TRMT1L: variants seen among roughly 807,000 people sequenced by gnomAD.
TRMT1L encodes the protein tRNA (guanine(27)-N(2))-dimethyltransferase.
A neutral mutation model predicts 81.6 loss-of-function variants in TRMT1L; 28 were observed. The observed-to-expected ratio is 0.34, with a 90% CI of 0.25 to 0.47. The LOEUF (loss-of-function observed/expected upper bound fraction) is 0.47, where lower values mean the gene tolerates loss of function less well. TRMT1L is among the 20% of genes least tolerant of loss of function. The probability of loss-of-function intolerance (pLI) is 1.00; values close to 1 mark genes in which losing one functional copy is unlikely to be tolerated. For missense variants in TRMT1L, 739 were observed against 877.1 expected, an observed-to-expected ratio of 0.84 and a Z score of 1.99; for synonymous variants, 301 against 303.2, an observed-to-expected ratio of 0.99 and a Z score of 0.07.
chr1:185,149,332 T>C (rs1358402987), intron 3 of TRMT1L, among the ~76,000 whole-genome samples: 1 of 149,618 alleles, frequency 6.7e-6, no homozygotes, highest in East Asian at 2.0e-4. Flanking sequence ...AGAAACAGAG[T>C]CTCACTCTGT....
chr1:185,134,583 T>C (rs2102239902), intron 10 of TRMT1L, among the ~76,000 whole-genome samples: 1 of 152,366 alleles, frequency 6.6e-6, no homozygotes, highest in African/African-American at 2.4e-5. Context: ...TTCTGTATGA[T>C]TCCAAATAAA....
chr1:185,147,175 T>C lies in TRMT1L; in HGVS notation c.525+7A>G. The C allele has an allele frequency of 6.3e-7, 1 of 1,594,186 alleles. No individual in the cohort carries two copies. The highest frequency in any genetic ancestry group is 1.1e-5 in the South Asian group (1 of 88,542). On this transcript the variant is annotated splice_region_variant and intron_variant, in intron 4 of 14. Coordinates refer to ENST00000367506, the MANE Select transcript of TRMT1L (RefSeq NM_030934.5). ...TTTAAAAATAAAAAAATCTAATATCTGATCACCTGTTCTCCAATAATGTTT... is the reference window on the plus strand; with the variant it reads ...TTTAAAAATAAAAAAATCTAATATCCGATCACCTGTTCTCCAATAATGTTT...
intron 5 of TRMT1L, among the ~76,000 whole-genome samples, chr1:185,144,452 T>A (rs1653131736): frequency 6.6e-6 from 1 of 152,032 alleles, no homozygotes; most frequent in African/African-American, 2.4e-5. Context: ...TAACTCCATA[T>A]GGCTGCATTC....
At chr1:185,134,618 T>C (rs1652852671) in intron 10 of TRMT1L, among the ~76,000 whole-genome samples, 2 of 152,286 alleles carry the variant, frequency 1.3e-5, no homozygotes, top group South Asian at 4.1e-4. Context: ...CATTGCTTTA[T>C]AGTTATCACT....
Position 185,156,686 on chromosome 1 carries a change from C to T in TRMT1L, c.27G>A (p.Leu9=), listed in dbSNP as rs1460074621. 8.1e-6 allele frequency: 13 copies of T among 1,612,244 alleles called. No individual in the cohort carries two copies. The highest frequency in any genetic ancestry group is 1.1e-5 in the Non-Finnish European group (13 of 1,179,718). MENMAEEE[L]LPLEKEEVEV... is the part of the protein sequence containing the mutation. ...CCACCTCCTCCTTCTCCAGGGGCAG[C>T]AGCTCCTCCTCCGCCATATTCTCCA... The change falls in exon 1 of 15, where the codon CTG becomes CTA. Residue 9 remains leucine, a synonymous_variant. Transcript: ENST00000367506.
chr1:185,120,538 G>A (rs1399094768), intron 13 of TRMT1L, 29 bp from the exon 14 acceptor site: 3 of 1,517,532 alleles, frequency 2.0e-6, no homozygotes, highest in East Asian at 2.4e-5. Context: ...AAGTTAGCAT[G>A]CTCTTAAAAA....
chr1:185,120,965 C>G (rs1425572552), intron 13 of TRMT1L: 1 of 152,880 alleles, frequency 6.5e-6, no homozygotes, highest in African/African-American at 2.4e-5. Flanking sequence ...ACTGAGTGAT[C>G]AGTATTGGAT....
intron 8 of TRMT1L, 107 bp downstream of exon 8, chr1:185,139,866 A>T: frequency 7.7e-7 from 1 of 1,303,292 alleles, no homozygotes; most frequent in Non-Finnish European, 1.0e-6. Flanking sequence ...AAATGGCATT[A>T]ATTTAAATAA....
chr1:185,125,221 G>A (rs1652593452), intron 11 of TRMT1L, 111 bp from the exon 12 acceptor site: 2 of 606,276 alleles, frequency 3.3e-6, no homozygotes, highest in East Asian at 6.5e-5. Flanking sequence ...ATATGACAGA[G>A]TAATACTTAA....
In TRMT1L at chr1:185,137,687, T is replaced by C. The variant is rs762258694; in HGVS notation, c.1432A>G (p.Thr478Ala). Residue 478 changes from threonine (T) to alanine (A), a missense_variant, in exon 10 of 15, where the codon ACA (threonine) becomes GCA (alanine). By Grantham distance (58) the Thr-to-Ala change is moderately conservative. Around this residue, in one of 4 missense-constraint regions of TRMT1L, gnomAD observed 331 missense variants for 462.2 expected, o/e 0.72. Transcript: ENST00000367506. The stretch of plus-strand genomic sequence containing the variant: ...ATCAGGTATTGAATCTTCTTGGCTG[T>C]TTCATCTGCTGAAGTAGGTCCCCTC... ...VLRGPTSADE[T>A]AKKIQYLIHC... is the part of the protein sequence containing the mutation. 22 of 1,614,042 alleles carry C rather than the reference T, an allele frequency of 1.4e-5. No individual in the cohort carries two copies. Among genetic ancestry groups the C allele is most frequent in the Non-Finnish European group, 1.8e-5 (21 of 1,180,030 alleles).
At chr1:185,140,931 T>C (rs1180580547) in intron 7 of TRMT1L, among the ~76,000 whole-genome samples, 1 of 143,754 alleles carries the variant, frequency 7.0e-6, no homozygotes, top group East Asian at 2.1e-4. Flanking sequence ...TGAGTCGAGA[T>C]GGTGCCAAGA....
intron 7 of TRMT1L, among the ~76,000 whole-genome samples, chr1:185,142,332 C>G (rs996186066): frequency 3.9e-5 from 6 of 152,110 alleles, no homozygotes; most frequent in Non-Finnish European, 8.8e-5. Context: ...TGCTTTTAAC[C>G]ACTACTTTTC....
chr1:185,145,813 T>A (rs972010031), intron 4 of TRMT1L, among the ~76,000 whole-genome samples: 7 of 151,992 alleles, frequency 4.6e-5, no homozygotes, highest in African/African-American at 1.7e-4. Context: ...CAGAAAATAA[T>A]TGTATTTTCT....
intron 2 of TRMT1L, 92 bp from the exon 3 acceptor site, chr1:185,150,584 C>T (rs1653316759): frequency 2.4e-6 from 2 of 821,802 alleles, no homozygotes; most frequent in Non-Finnish European, 4.0e-6. Flanking sequence ...GGCTCCCCCT[C>T]CTACTTCTTA....
At chr1:185,154,357 C>T (rs1341593712) in intron 1 of TRMT1L, among the ~76,000 whole-genome samples, 1 of 152,076 alleles carries the variant, frequency 6.6e-6, no homozygotes, top group Non-Finnish European at 1.5e-5. Context: ...GGTTATTCAC[C>T]TCATTTTTAA....
intron 10 of TRMT1L, 147 bp from the exon 11 acceptor site, chr1:185,128,894 ATATG>A (rs1652699912): frequency 1.5e-6 from 1 of 675,144 alleles, no homozygotes; most frequent in East Asian, 2.8e-5. Flanking sequence ...ATGTATGTAT[ATATG>A]TGTGTGTGCA....
rs1347968943 is a variant in TRMT1L at position 185,156,581 on chromosome 1, G to A, written c.132C>T (p.Asp44=). The part of the protein sequence containing the change: ...VPAPAPDSAL[D]SAPTPASAPA... Reference sequence around the variant, plus strand: ...GAGCCGAGGCCGGAGTCGGAGCCGAGTCCAGAGCCGAATCCGGGGCCGGAG... The same window carrying A: ...GAGCCGAGGCCGGAGTCGGAGCCGAATCCAGAGCCGAATCCGGGGCCGGAG... Residue 44 remains aspartate, a synonymous_variant, in exon 1 of 15, where the codon GAC becomes GAT. Coordinates refer to ENST00000367506, the MANE Select transcript of TRMT1L (RefSeq NM_030934.5). 1.9e-6 allele frequency: 3 copies of A among 1,598,638 alleles called. No homozygotes were observed. Among genetic ancestry groups the A allele is most frequent in the African/African-American group, 1.3e-5 (1 of 74,340 alleles).
intron 11 of TRMT1L, among the ~76,000 whole-genome samples, chr1:185,127,694 G>T (rs1652663993): frequency 6.6e-6 from 1 of 150,506 alleles, no homozygotes; most frequent in Admixed American, 6.6e-5. Context: ...GGGAGGCAGA[G>T]GTTGTGGTGA....
intron 4 of TRMT1L, 62 bp from the exon 5 acceptor site, chr1:185,145,630 T>TG: frequency 6.5e-7 from 1 of 1,545,270 alleles, no homozygotes; most frequent in Non-Finnish European, 8.9e-7. Context: ...AGTATATGTT[T>TG]GCAAATTTAA....
Sources: gnomAD v4.1 joint callset for allele counts (sites outside exome capture counted in the v4.1 genomes callset) on GRCh38, gnomAD v4.1.1 for gene constraint, gnomAD v4.1.1 regional missense constraint, MANE v1.5 for transcripts, NCBI Gene and HGNC (gene_info 2026-07-23, HGNC 2026-07-21) for gene names.